UTS2: variants seen among roughly 807,000 people sequenced by gnomAD.
The protein encoded by UTS2 is urotensin-2.
Under a neutral mutation model 12.6 loss-of-function variants are expected in UTS2, and 10 were observed. The ratio of observed to expected loss-of-function variants is 0.80; its 90% CI spans 0.49 to 1.35. UTS2 has a LOEUF of 1.35. Among genes scored for constraint, UTS2 ranks in the 40% most tolerant of loss-of-function variants. The probability of loss-of-function intolerance (pLI) is 0.00; values close to 1 mark genes in which losing one functional copy is unlikely to be tolerated. For missense variants in UTS2, 142 were observed against 143.2 expected (o/e 0.99, Z 0.04); for synonymous variants, 52 against 50.0 (o/e 1.04, Z -0.17).
the UTS2 span, among the ~76,000 whole-genome samples, chr1:7,910,389 C>T: frequency 2.0e-5 from 3 of 151,818 alleles, no homozygotes; most frequent in African/African-American, 7.3e-5. Flanking sequence ...CTGCCTCACA[C>T]CCAGAAGGAA....
At chr1:7,909,146 C>T in the UTS2 span, among the ~76,000 whole-genome samples, 3 of 152,274 alleles carry the variant, frequency 2.0e-5, no homozygotes, top group South Asian at 2.1e-4. Flanking sequence ...AATTACCTCC[C>T]ACCAGGTCCC....
upstream of UTS2, among the ~76,000 whole-genome samples, chr1:7,854,511 CA>C (rs34363679): frequency 0.51 from 50,753 of 98,972 alleles, 8,955 homozygotes; most frequent in Middle Eastern, 0.55. Context: ...GACCATGTCT[CA>C]AAAAAAAAAA....
At chr1:7,877,126 C>CAAAAAAAAAAA in the UTS2 span, among the ~76,000 whole-genome samples, 2 of 62,800 alleles carry the variant, frequency 3.2e-5, no homozygotes, top group African/African-American at 6.7e-5. Context: ...GAGACTCTAT[C>CAAAAAAAAAAA]AAAAAAAAAA....
upstream of UTS2, among the ~76,000 whole-genome samples, chr1:7,856,499 G>A (rs1006582115): frequency 3.4e-5 from 3 of 87,118 alleles, no homozygotes; most frequent in Non-Finnish European, 7.6e-5. Context: ...AGCCTCCAGC[G>A]AGAGAAGTCG....
intron 1 of UTS2, among the ~76,000 whole-genome samples, chr1:7,851,503 T>A (rs919755956): frequency 3.3e-5 from 5 of 152,172 alleles, no homozygotes; most frequent in Admixed American, 6.5e-5. Context: ...ATAGAATGCA[T>A]GGTAAGTGCG....
At chr1:7,858,597 C>CG in the UTS2 span, among the ~76,000 whole-genome samples, 3 of 151,586 alleles carry the variant, frequency 2.0e-5, no homozygotes, top group Non-Finnish European at 4.4e-5. Flanking sequence ...TTTTTTTTGA[C>CG]ACAGAGTCTC....
chr1:7,853,091 A>G (rs937172627), upstream of UTS2: 6 of 1,524,250 alleles, frequency 3.9e-6, no homozygotes, highest in African/African-American at 4.2e-5. Context: ...CACTGATTAT[A>G]TATATCATCC....
the UTS2 span, among the ~76,000 whole-genome samples, chr1:7,912,168 T>A: frequency 5.3e-5 from 8 of 152,206 alleles, no homozygotes; most frequent in Admixed American, 2.0e-4. Context: ...AGATCCCTAG[T>A]GGCTAACTGA....
chr1:7,887,767 A>G, the UTS2 span, among the ~76,000 whole-genome samples: 6 of 151,788 alleles, frequency 4.0e-5, no homozygotes, highest in Admixed American at 3.9e-4. Flanking sequence ...AAAAGGAAAA[A>G]AAAAAAAAAA....
the UTS2 span, among the ~76,000 whole-genome samples, chr1:7,862,436 C>A: frequency 1.3e-5 from 2 of 150,526 alleles, no homozygotes; most frequent in African/African-American, 4.9e-5. Flanking sequence ...AAATTAATTG[C>A]GGTTTTTGCC....
the UTS2 span, among the ~76,000 whole-genome samples, chr1:7,902,624 G>A: frequency 6.6e-6 from 1 of 152,150 alleles, no homozygotes; most frequent in South Asian, 2.1e-4. Context: ...CGGGGGTCTC[G>A]CTATGTTGGC....
At chr1:7,852,817 A>C in intron 1 of UTS2, 84 bp downstream of exon 1, 1 of 1,452,020 alleles carries the variant, frequency 6.9e-7, no homozygotes, top group Non-Finnish European at 9.2e-7. Flanking sequence ...TTCGAGCAGG[A>C]ATCCCATTCT....
the UTS2 span, among the ~76,000 whole-genome samples, chr1:7,885,353 G>C: frequency 2.5e-3 from 386 of 152,316 alleles, no homozygotes; most frequent in Non-Finnish European, 3.7e-3. Flanking sequence ...TCTGGGTCGA[G>C]CCCATGGGTC....
chr1:7,882,683 C>A, the UTS2 span, among the ~76,000 whole-genome samples: 1 of 152,128 alleles, frequency 6.6e-6, no homozygotes, highest in Admixed American at 6.6e-5. Flanking sequence ...GGACTAATAT[C>A]CAGACTATAC....
the UTS2 span, among the ~76,000 whole-genome samples, chr1:7,880,810 A>G: frequency 6.6e-6 from 1 of 152,206 alleles, no homozygotes; most frequent in African/African-American, 2.4e-5. Context: ...GGCCAGCATT[A>G]CCCTGATACC....
At chr1:7,853,994 C>A (rs1381628669), upstream of UTS2, among the ~76,000 whole-genome samples, 4 of 152,154 alleles carry the variant, frequency 2.6e-5, no homozygotes, top group Non-Finnish European at 5.9e-5. Context: ...CTTTGAGAGG[C>A]CGAGGCAGGA....
chr1:7,861,258 G>C, the UTS2 span, among the ~76,000 whole-genome samples: 2 of 152,244 alleles, frequency 1.3e-5, no homozygotes, highest in South Asian at 4.1e-4. Flanking sequence ...GGAGGGGATC[G>C]TCAGTGATTT....
the UTS2 span, among the ~76,000 whole-genome samples, chr1:7,879,068 C>A: frequency 6.6e-6 from 1 of 152,134 alleles, no homozygotes; most frequent in African/African-American, 2.4e-5. Context: ...CAGTTGGAGA[C>A]TTTAACACCC....
the UTS2 span, among the ~76,000 whole-genome samples, chr1:7,901,630 G>GTATATA: frequency 4.5e-3 from 685 of 150,828 alleles, 3 homozygotes; most frequent in African/African-American, 0.016. Context: ...GTGTGTGTGT[G>GTATATA]TATATATATA....
Sources: gnomAD v4.1 joint callset for allele counts (sites outside exome capture counted in the v4.1 genomes callset) on GRCh38, gnomAD v4.1.1 for gene constraint, MANE v1.5 for transcripts, NCBI Gene and HGNC (gene_info 2026-07-23, HGNC 2026-07-21) for gene names.